Variants in CHST3 observed in about 807,000 individuals in gnomAD.
CHST3 encodes the protein C6ST-1.
Under a neutral mutation model 35.4 loss-of-function variants are expected in CHST3, and 20 were observed. The ratio of observed to expected loss-of-function variants is 0.57; its 90% CI spans 0.40 to 0.82. The LOEUF (loss-of-function observed/expected upper bound fraction) is 0.82, where lower values mean the gene tolerates loss of function less well. CHST3 is among the 40% of genes least tolerant of loss of function. The pLI is 0.00. For synonymous variants in CHST3, 334 were observed against 295.9 expected, an observed-to-expected ratio of 1.13 and a Z score of -1.32; for missense variants, 693 against 670.1, an observed-to-expected ratio of 1.03 and a Z score of -0.38.
rs192320139 is a variant in CHST3 at position 72,012,520 on chromosome 10, C to T, written c.*4049C>T. 2 of 152,310 alleles carry T rather than the reference C, an allele frequency of 1.3e-5. No individual in the cohort carries two copies. Among genetic ancestry groups the T allele is most frequent in the African/African-American group, 2.4e-5 (1 of 41,446 alleles). 9.4% of individuals were successfully genotyped at this position (152,310 alleles called of 1,614,324 possible). ...CCCTTGCTAAGACAGGAGCAGAAGA[C>T]TGGATGGCTGTGTCCTCAAGGCAGT... On this transcript the variant is annotated 3_prime_UTR_variant, in exon 3 of 3. Coordinates refer to ENST00000373115, the MANE Select transcript of CHST3 (RefSeq NM_004273.5).
intron 1 of CHST3, among the ~76,000 whole-genome samples, chr10:71,986,893 A>G (rs1839851795): frequency 6.6e-6 from 1 of 152,068 alleles, no homozygotes; most frequent in African/African-American, 2.4e-5. Context: ...AATCTTCCCA[A>G]TTTTCGGAGC....
chr10:71,976,028 G>A (rs1406387507), intron 1 of CHST3, among the ~76,000 whole-genome samples: 1 of 152,228 alleles, frequency 6.6e-6, no homozygotes, highest in African/African-American at 2.4e-5. Context: ...GGAGGAGGGA[G>A]GAGCCAGCTT....
chr10:71,980,402 T>C (rs537901416), intron 1 of CHST3, among the ~76,000 whole-genome samples: 4 of 152,214 alleles, frequency 2.6e-5, no homozygotes, highest in Non-Finnish European at 5.9e-5. Context: ...CTTATCATTA[T>C]GATACAGAGG....
intron 1 of CHST3, among the ~76,000 whole-genome samples, chr10:72,005,301 C>G (rs4747234): frequency 0.4 from 56,062 of 139,990 alleles, 11,372 homozygotes; most frequent in Non-Finnish European, 0.48. Flanking sequence ...GTGTGTGTGT[C>G]TGTGTGTGTG....
rs1840063287 is a variant in CHST3, at chr10:72,008,001, T to C, written c.970T>C (p.Trp324Arg). The C allele has an allele frequency of 6.5e-7, 1 of 1,549,266 alleles. No individual in the cohort carries two copies. The highest frequency in any genetic ancestry group is 8.7e-7 in the Non-Finnish European group (1 of 1,146,482). ...FAGKYKTWKK[W>R]LDDEGQDGLR... is the part of the protein sequence containing the mutation. Reference sequence around the variant, plus strand: ...CGGCAAGTATAAGACCTGGAAGAAGTGGCTGGACGACGAGGGCCAGGACGG... The same window carrying C: ...CGGCAAGTATAAGACCTGGAAGAAGCGGCTGGACGACGAGGGCCAGGACGG... The change falls in exon 3 of 3, where the codon TGG becomes CGG. Residue 324 changes from tryptophan (W) to arginine (R), a missense_variant. Trp to Arg is a moderately radical substitution (Grantham distance 101, BLOSUM62 -3). Coordinates refer to ENST00000373115, the MANE Select transcript of CHST3 (RefSeq NM_004273.5).
rs1840048004 is a variant in CHST3, at chr10:72,007,244, A to G, written c.213A>G (p.Leu71=). 1.9e-6 allele frequency: 3 copies of G among 1,614,222 alleles called. No homozygotes were observed. Among genetic ancestry groups the G allele is most frequent in the Non-Finnish European group, 2.5e-6 (3 of 1,180,044 alleles). ...DANSTDPALI[L]AENASLLSLS... ...ACAGCACCGACCCAGCCCTGATCTT[A>G]GCTGAGAACGCATCTCTCTTGTCCC... The change falls in exon 3 of 3, where the codon TTA becomes TTG. Residue 71 remains leucine, a synonymous_variant. Coordinates refer to ENST00000373115, the MANE Select transcript of CHST3 (RefSeq NM_004273.5).
At position 72,012,885 on chromosome 10, in the gene CHST3, C is replaced by G. The variant is rs920228511; in HGVS notation, c.*4414C>G. The G allele has an allele frequency of 4.6e-5, 7 of 152,244 alleles. No individual in the cohort carries two copies. The highest frequency in any genetic ancestry group is 1.0e-4 in the Non-Finnish European group (7 of 68,044). 9.4% of individuals were successfully genotyped at this position (152,244 alleles called of 1,614,324 possible). ...TGCTCTTTACCTCAAAAGCACAAAG[C>G]AGAATTGGCAACTTCACTTGTCTCA... On this transcript the variant is annotated 3_prime_UTR_variant, in exon 3 of 3. Transcript: ENST00000373115.
intron 1 of CHST3, among the ~76,000 whole-genome samples, chr10:71,967,327 G>A (rs1363158477): frequency 1.3e-5 from 2 of 152,080 alleles, no homozygotes; most frequent in Non-Finnish European, 2.9e-5. Flanking sequence ...CCTCCCCACT[G>A]TCTCCACCCT....
chr10:71,968,019 T>G (rs1452873517), intron 1 of CHST3, among the ~76,000 whole-genome samples: 2 of 146,284 alleles, frequency 1.4e-5, no homozygotes, highest in Non-Finnish European at 3.0e-5. Context: ...GGTTTCACCA[T>G]GTTGGCCAGA....
intron 1 of CHST3, among the ~76,000 whole-genome samples, chr10:71,969,511 G>T (rs1429709736): frequency 1.3e-5 from 2 of 152,252 alleles, no homozygotes; most frequent in African/African-American, 4.8e-5. Context: ...GCCCTTCAAA[G>T]GACGCAAAGA....
At chr10:71,971,758 G>C (rs1839697116) in intron 1 of CHST3, among the ~76,000 whole-genome samples, 1 of 152,202 alleles carries the variant, frequency 6.6e-6, no homozygotes, top group African/African-American at 2.4e-5. Context: ...GCAGGTGCCT[G>C]GCTTTCCTCT....
At chr10:71,990,838 G>T (rs1380125601) in intron 1 of CHST3, among the ~76,000 whole-genome samples, 1 of 152,164 alleles carries the variant, frequency 6.6e-6, no homozygotes, top group Non-Finnish European at 1.5e-5. Flanking sequence ...ACTTGTGATG[G>T]TTTGGCCAAA....
At chr10:71,965,104 G>C (rs1839616627) in intron 1 of CHST3, among the ~76,000 whole-genome samples, 1 of 152,202 alleles carries the variant, frequency 6.6e-6, no homozygotes, top group East Asian at 1.9e-4. Flanking sequence ...CAAGGAGAGG[G>C]AGCCCCCAAA....
At chr10:71,990,160 G>A (rs780739469) in intron 1 of CHST3, among the ~76,000 whole-genome samples, 1 of 152,050 alleles carries the variant, frequency 6.6e-6, no homozygotes, top group Admixed American at 6.6e-5. Context: ...AGTCCTTTGG[G>A]GCTGCTATAA....
In CHST3 at chr10:72,011,807, T is replaced by C; in HGVS notation, c.*3336T>C. On this transcript the variant is annotated 3_prime_UTR_variant, in exon 3 of 3. Transcript: ENST00000373115. ...CACAGGCTGTCCCCACTCTGCCTGT[T>C]CCCATCTTCCCCTCGGGACCTGTTT... 1 of 152,336 alleles carries C rather than the reference T, an allele frequency of 6.6e-6. No homozygotes were observed. Among genetic ancestry groups the C allele is most frequent in the Non-Finnish European group, 1.5e-5 (1 of 68,054 alleles). The allele number at this position is 152,336 out of a possible 1,614,324, so 9.4% of individuals were successfully genotyped here.
chr10:71,983,133 A>C (rs1175370453), intron 1 of CHST3, among the ~76,000 whole-genome samples: 1 of 152,248 alleles, frequency 6.6e-6, no homozygotes, highest in Non-Finnish European at 1.5e-5. Context: ...GGTTGTCCCC[A>C]GGTGGAAGAG....
intron 1 of CHST3, among the ~76,000 whole-genome samples, chr10:71,968,490 A>G (rs1839654593): frequency 6.6e-6 from 1 of 152,136 alleles, no homozygotes; most frequent in Non-Finnish European, 1.5e-5. Flanking sequence ...CTTTAGTTTA[A>G]TTAGGTCCCA....
intron 1 of CHST3, among the ~76,000 whole-genome samples, chr10:72,002,458 C>T (rs1294295877): frequency 6.6e-6 from 1 of 152,254 alleles, no homozygotes; most frequent in Non-Finnish European, 1.5e-5. Context: ...TCCTATTTCA[C>T]AAGCATTTAC....
chr10:72,001,014 G>A (rs752230704), intron 1 of CHST3, among the ~76,000 whole-genome samples: 7 of 152,100 alleles, frequency 4.6e-5, no homozygotes, highest in East Asian at 1.9e-4. Context: ...GGAGGGGTGC[G>A]GGGCAGAAGC....
Sources: allele counts gnomAD v4.1 joint callset (sites outside exome capture counted in the v4.1 genomes callset), GRCh38; gene constraint gnomAD v4.1.1; transcripts MANE v1.5; gene names NCBI Gene and HGNC (gene_info 2026-07-23, HGNC 2026-07-21).